JMJD1C: variants seen among roughly 807,000 people sequenced by gnomAD.
JMJD1C encodes the protein jumonji domain containing 1C.
Under a neutral mutation model 245.3 loss-of-function variants are expected in JMJD1C, and 31 were observed. The ratio of observed to expected loss-of-function variants is 0.13; its 90% CI spans 0.09 to 0.17. The LOEUF is 0.17. Among genes scored for constraint, JMJD1C ranks in the 10% least tolerant of loss-of-function variants. The probability of loss-of-function intolerance (pLI) is 1.00; values close to 1 mark genes in which losing one functional copy is unlikely to be tolerated. For synonymous variants in JMJD1C, 1,057 were observed against 1,017.4 expected (o/e 1.04, Z -0.74); for missense variants, 2,691 against 3,000.2 (o/e 0.90, Z 2.41).
At chr10:63,215,507 T>C in intron 6 of JMJD1C, 46 bp downstream of exon 6, 2 of 1,608,558 alleles carry the variant, frequency 1.2e-6, no homozygotes, top group Non-Finnish European at 1.7e-6. Flanking sequence ...TCTACTAGCC[T>C]AAGGAAAAAT....
chr10:63,463,982 AT>A (rs200926469), intron 1 of JMJD1C, among the ~76,000 whole-genome samples: 6 of 150,528 alleles, frequency 4.0e-5, no homozygotes, highest in African/African-American at 7.3e-5. Flanking sequence ...ATATATACAA[AT>A]TTTTTTTTTC....
At chr10:63,415,797 C>T (rs1949763659) in intron 1 of JMJD1C, among the ~76,000 whole-genome samples, 1 of 152,160 alleles carries the variant, frequency 6.6e-6, no homozygotes, top group Non-Finnish European at 1.5e-5. Context: ...AAAATAAGCA[C>T]CTGCAGAAAA....
At chr10:63,173,713 T>C (rs1842609774) in intron 24 of JMJD1C, among the ~76,000 whole-genome samples, 1 of 151,090 alleles carries the variant, frequency 6.6e-6, no homozygotes, top group African/African-American at 2.4e-5. Flanking sequence ...CAGAGCAAGA[T>C]ACTGTCTTTT....
chr10:63,299,429 T>G (rs1410062951), intron 2 of JMJD1C, among the ~76,000 whole-genome samples: 2 of 149,814 alleles, frequency 1.3e-5, no homozygotes, highest in Non-Finnish European at 3.0e-5. Flanking sequence ...TGGCCTCAAG[T>G]GATCTGCCCA....
intron 1 of JMJD1C, among the ~76,000 whole-genome samples, chr10:63,392,867 AACACACAC>A (rs34778084): frequency 0.038 from 4,231 of 112,228 alleles, 152 homozygotes; most frequent in East Asian, 0.2. Context: ...AAAGTACATA[AACACACAC>A]ACACACACAC....
At chr10:63,222,651 A>G in intron 3 of JMJD1C, 5 of 1,547,036 alleles carry the variant, frequency 3.2e-6, no homozygotes, top group Non-Finnish European at 4.5e-6. Flanking sequence ...AGAAATAGAG[A>G]TCGGTGTGTA....
chr10:63,490,413 A>ATTT (rs1487214754), intron 1 of JMJD1C, among the ~76,000 whole-genome samples: 1 of 123,648 alleles, frequency 8.1e-6, no homozygotes, highest in Non-Finnish European at 1.9e-5. Context: ...ATAATTATTT[A>ATTT]TTTATTTTAT....
At chr10:63,487,304 G>A (rs1320730617) in intron 1 of JMJD1C, among the ~76,000 whole-genome samples, 2 of 152,216 alleles carry the variant, frequency 1.3e-5, no homozygotes, top group African/African-American at 4.8e-5. Context: ...CAAAGATGAA[G>A]GGGCAAGTAA....
At chr10:63,413,016 A>C (rs1949578238) in intron 1 of JMJD1C, among the ~76,000 whole-genome samples, 1 of 148,530 alleles carries the variant, frequency 6.7e-6, no homozygotes, top group Admixed American at 6.7e-5. Context: ...GAAAAAGCCG[A>C]AACACAAAAA....
Position 63,208,101 on chromosome 10 carries a change from T to C in JMJD1C, c.3568A>G (p.Thr1190Ala). Residue 1190 changes from threonine (T) to alanine (A), a missense_variant, in exon 10 of 26, where the codon ACA becomes GCA. By Grantham distance (58) the Thr-to-Ala change is moderately conservative. Coordinates refer to ENST00000399262, the MANE Select transcript of JMJD1C (RefSeq NM_032776.3). ...RNDCRSPTHLTVSSTNTLRSM... is the reference protein window; with the variant it reads ...RNDCRSPTHLAVSSTNTLRSM... The stretch of plus-strand genomic sequence containing the variant: ...CGGAGTGTATTTGTAGAAGAAACTG[T>C]CAAATGGGTAGGACTCCTACAATCA... 1.2e-6 allele frequency: 2 copies of C among 1,614,158 alleles called. No homozygotes were observed. Among genetic ancestry groups the C allele is most frequent in the Admixed American group, 1.7e-5 (1 of 60,022 alleles).
intron 1 of JMJD1C, among the ~76,000 whole-genome samples, chr10:63,446,236 G>T (rs1157048258): frequency 6.6e-6 from 1 of 152,100 alleles, no homozygotes; most frequent in Non-Finnish European, 1.5e-5. Context: ...TTTGGATATG[G>T]GATGTGAGAG....
intron 1 of JMJD1C, among the ~76,000 whole-genome samples, chr10:63,404,182 C>T (rs1288694308): frequency 1.3e-5 from 2 of 151,954 alleles, no homozygotes; most frequent in African/African-American, 2.4e-5. Context: ...ATATTTGTCA[C>T]CATGATCAAG....
intron 3 of JMJD1C, chr10:63,222,894 AGTGGGAAAGTGG>A: frequency 1.3e-6 from 2 of 1,493,756 alleles, no homozygotes; most frequent in Non-Finnish European, 1.9e-6. Context: ...ACCAAAAAGA[AGTGGGAAAGTGG>A]GCACTGCTTA....
In JMJD1C at chr10:63,403,003, A is replaced by G. The variant is rs1948957008; in HGVS notation, c.169-22521T>C. ...CCTATTCCTAAAACATACCAAGCTC[A>G]TTTTTCCATCACGGTAGAAGGAAAG... On this transcript the variant is annotated intron_variant, in intron 1 of 25. Coordinates refer to ENST00000399262, the MANE Select transcript of JMJD1C (RefSeq NM_032776.3). 2.6e-5 allele frequency among the ~76,000 whole-genome samples: 4 copies of G among 152,152 alleles called. No homozygotes were observed. In the South Asian group the frequency reaches 8.3e-4, roughly 31 times the overall value.
At chr10:63,395,039 T>C (rs1948381859) in intron 1 of JMJD1C, among the ~76,000 whole-genome samples, 1 of 152,056 alleles carries the variant, frequency 6.6e-6, no homozygotes, top group Non-Finnish European at 1.5e-5. Context: ...AATTCAAAAA[T>C]ATGGGCAAAA....
chr10:63,274,158 C>A (rs749391608), intron 2 of JMJD1C, among the ~76,000 whole-genome samples: 2 of 152,146 alleles, frequency 1.3e-5, no homozygotes, highest in Admixed American at 6.6e-5. Context: ...ACTGGCCTTA[C>A]AAGAAAGCTG....
chr10:63,368,868 G>A (rs934291350), intron 2 of JMJD1C, among the ~76,000 whole-genome samples: 43 of 151,720 alleles, frequency 2.8e-4, no homozygotes, highest in African/African-American at 9.4e-4. Context: ...GGCTGGTCTC[G>A]AACTCCTGAC....
rs751449454 is a variant in JMJD1C, at chr10:63,214,102, T to C, written c.2065A>G (p.Ile689Val). The stretch of plus-strand genomic sequence containing the variant: ...TCTAATGTACTGCTTCGAGTAGGAA[T>C]TGGATGAAAACTGCATCTTGATAGC... ...HELSRCSFHP[I>V]PTRSSTLETT... Residue 689 changes from isoleucine to valine, a missense_variant, in exon 8 of 26, where the codon ATT becomes GTT. By Grantham distance (29) the Ile-to-Val change is conservative (BLOSUM62 3). Coordinates refer to ENST00000399262, the MANE Select transcript of JMJD1C (RefSeq NM_032776.3). 5.0e-6 allele frequency: 8 copies of C among 1,614,126 alleles called. No homozygotes were observed. The highest frequency in any genetic ancestry group is 1.7e-5 in the Admixed American group (1 of 60,010).
At chr10:63,180,198 T>A (rs377549242) in intron 22 of JMJD1C, among the ~76,000 whole-genome samples, 1 of 152,020 alleles carries the variant, frequency 6.6e-6, no homozygotes, top group Admixed American at 6.6e-5. Flanking sequence ...TAACTACAGA[T>A]GGGGTTTCAC....
Sources: gnomAD v4.1 joint callset for allele counts (sites outside exome capture counted in the v4.1 genomes callset) on GRCh38, gnomAD v4.1.1 for gene constraint, MANE v1.5 for transcripts, NCBI Gene and HGNC (gene_info 2026-07-23, HGNC 2026-07-21) for gene names.